The following FLI1 variants were observed in gnomAD, a reference collection of about 807,000 sequenced individuals.
FLI1 encodes Friend leukemia integration 1 transcription factor.
A neutral mutation model predicts 53.1 loss-of-function variants in FLI1; 13 were observed. The ratio of observed to expected loss-of-function variants is 0.24; its 90% CI spans 0.16 to 0.39. The LOEUF (loss-of-function observed/expected upper bound fraction) is 0.39. FLI1 is among the 10% of genes least tolerant of loss of function. The pLI, the probability that FLI1 is intolerant of heterozygous loss-of-function variation, is 1.00. For missense variants in FLI1, 424 were observed against 600.5 expected (o/e 0.71, Z 3.07); for synonymous variants, 244 against 236.7 (o/e 1.03, Z -0.28).
chr11:128,760,555 T>C (rs1941074761), intron 2 of FLI1, among the ~76,000 whole-genome samples: 1 of 126,998 alleles, frequency 7.9e-6, no homozygotes, highest in Admixed American at 9.2e-5. Flanking sequence ...TGAGATGGAG[T>C]CTCACTCTGT....
At chr11:128,797,183 G>C (rs1294379345) in intron 5 of FLI1, among the ~76,000 whole-genome samples, 1 of 152,216 alleles carries the variant, frequency 6.6e-6, no homozygotes, top group Non-Finnish European at 1.5e-5. Flanking sequence ...CAAGACCACA[G>C]ACTTGACAAT....
At chr11:128,805,631 G>A in intron 6 of FLI1, 200 bp downstream of exon 6, 1 of 540,366 alleles carries the variant, frequency 1.9e-6, no homozygotes, top group South Asian at 2.6e-5. Flanking sequence ...TTAGATTTTT[G>A]AGTTTTGTTT....
chr11:128,781,943 T>C lies in FLI1; in HGVS notation c.590-15T>C, dbSNP rs750920299. 3 of 1,609,804 alleles carry C rather than the reference T, an allele frequency of 1.9e-6. No individual in the cohort carries two copies. The highest frequency in any genetic ancestry group is 4.5e-5 in the East Asian group (2 of 44,854). ...GAACATTTTGGTTATAACCTGTTTATGTTTTGCCTCTCAGGTTCACTGCTG... is the reference window on the plus strand; with the variant it reads ...GAACATTTTGGTTATAACCTGTTTACGTTTTGCCTCTCAGGTTCACTGCTG... On this transcript the variant is annotated splice_polypyrimidine_tract_variant and intron_variant, in intron 4 of 8. Coordinates refer to ENST00000527786, the MANE Select transcript of FLI1 (RefSeq NM_002017.5).
intron 5 of FLI1, among the ~76,000 whole-genome samples, chr11:128,783,800 T>C (rs939842753): frequency 1.3e-5 from 2 of 152,168 alleles, no homozygotes; most frequent in Non-Finnish European, 2.9e-5. Context: ...AGCACTCACA[T>C]TGCGAGGGCT....
intron 1 of FLI1, among the ~76,000 whole-genome samples, chr11:128,711,653 A>G (rs967837706): frequency 6.6e-6 from 1 of 152,204 alleles, no homozygotes; most frequent in African/African-American, 2.4e-5. Flanking sequence ...AGGAATCCCT[A>G]TTATACATAA....
Position 128,688,388 on chromosome 11 carries a change from A to G in FLI1, c.-203+1687A>G, listed in dbSNP as rs919403735. ...GCAGCCACAAAGTTTGTATTGTTGCACAAAGGGGTGCATTGATGGCGGCGA... is the reference window on the plus strand; with the variant it reads ...GCAGCCACAAAGTTTGTATTGTTGCGCAAAGGGGTGCATTGATGGCGGCGA... On this transcript the variant is annotated intron_variant, in intron 1 of 6. Coordinates refer to the FLI1 transcript ENST00000344954. Among the ~76,000 whole-genome samples the G allele has an allele frequency of 1.2e-4, 18 of 152,248 alleles. 1 individual carries two copies. Among genetic ancestry groups the G allele is most frequent in the Admixed American group, 1.1e-3 (17 of 15,288 alleles).
intron 1 of FLI1, among the ~76,000 whole-genome samples, chr11:128,744,231 A>C (rs1246557574): frequency 6.6e-6 from 1 of 152,200 alleles, no homozygotes; most frequent in African/African-American, 2.4e-5. Flanking sequence ...CGGGATAAGC[A>C]TTTCCTGGAA....
intron 5 of FLI1, among the ~76,000 whole-genome samples, chr11:128,799,052 A>ATTATTTTTTTTT (rs1555125698): frequency 2.1e-5 from 3 of 140,444 alleles, no homozygotes; most frequent in African/African-American, 7.8e-5. Flanking sequence ...TATTATTATT[A>ATTATTTTTTTTT]TTTTGCTTTG....
intron 5 of FLI1, among the ~76,000 whole-genome samples, chr11:128,802,576 G>C (rs931465055): frequency 2.6e-5 from 4 of 152,240 alleles, no homozygotes; most frequent in African/African-American, 4.8e-5. Context: ...GGTGGCCTCT[G>C]TGTTTCTGTC....
chr11:128,695,293 A>C (rs1399567604), intron 1 of FLI1, among the ~76,000 whole-genome samples: 1 of 152,272 alleles, frequency 6.6e-6, no homozygotes, highest in Non-Finnish European at 1.5e-5. Flanking sequence ...GGCCAGGAGC[A>C]GAGAGGAGGG....
intron 1 of FLI1, among the ~76,000 whole-genome samples, chr11:128,743,500 A>G (rs1940230631): frequency 6.6e-6 from 1 of 152,050 alleles, no homozygotes; most frequent in Admixed American, 6.5e-5. Flanking sequence ...AGGAGCTCAG[A>G]AATTTTTGAG....
intron 5 of FLI1, among the ~76,000 whole-genome samples, chr11:128,786,367 TG>T (rs1468010855): frequency 3.9e-5 from 6 of 152,260 alleles, no homozygotes; most frequent in African/African-American, 1.4e-4. Context: ...ATTAGTTTTT[TG>T]TCATTGTCAT....
In FLI1 at chr11:128,810,995, A is replaced by T. The variant is rs1405254194; in HGVS notation, c.*7A>T. ...CTTAGGCAGCTACTACTAGAAGCTT[A>T]CTCATCAGTGGCCTTCTAGCTGAAG... On this transcript the variant is annotated 3_prime_UTR_variant, in exon 9 of 9. Coordinates refer to ENST00000527786, the MANE Select transcript of FLI1 (RefSeq NM_002017.5). The surrounding 1 kb of genome is among the most constrained non-coding windows in gnomAD (Gnocchi z 6.6). The T allele has an allele frequency of 6.2e-7, 1 of 1,613,790 alleles. No individual in the cohort carries two copies. Among genetic ancestry groups the T allele is most frequent in the South Asian group, 1.1e-5 (1 of 91,082 alleles).
chr11:128,790,197 A>G (rs1459901274), intron 5 of FLI1, among the ~76,000 whole-genome samples: 1 of 151,536 alleles, frequency 6.6e-6, no homozygotes, highest in East Asian at 1.9e-4. Context: ...TTTTCCTTTG[A>G]AATTCCTGAG....
chr11:128,765,610 G>T (rs978632062), intron 2 of FLI1, among the ~76,000 whole-genome samples: 2 of 152,234 alleles, frequency 1.3e-5, no homozygotes, highest in African/African-American at 4.8e-5. Flanking sequence ...CAAGGGAAGA[G>T]CGTGCAGTGT....
chr11:128,714,710 CTTT>C (rs11381734), intron 1 of FLI1, among the ~76,000 whole-genome samples: 4 of 121,642 alleles, frequency 3.3e-5, no homozygotes, highest in Admixed American at 9.0e-5. Context: ...CTTGAAGGAC[CTTT>C]TTTTTTTTTT....
At chr11:128,764,580 A>G in intron 2 of FLI1, 12 of 1,366,806 alleles carry the variant, frequency 8.8e-6, no homozygotes, top group Non-Finnish European at 1.2e-5. Flanking sequence ...GCAGCAGTGC[A>G]GGCAAGCTGA....
At chr11:128,701,062 C>T (rs1327860042) in intron 1 of FLI1, among the ~76,000 whole-genome samples, 2 of 152,188 alleles carry the variant, frequency 1.3e-5, no homozygotes, top group Non-Finnish European at 2.9e-5. Context: ...GAGCAGCAGT[C>T]AGGATTAGAC....
intron 1 of FLI1, among the ~76,000 whole-genome samples, chr11:128,714,651 G>A (rs777086913): frequency 7.0e-4 from 106 of 150,542 alleles, no homozygotes; most frequent in Middle Eastern, 3.5e-3. Flanking sequence ...TGATGATGAT[G>A]ATGATGGTTA....
Sources: gnomAD v4.1 joint callset for allele counts (sites outside exome capture counted in the v4.1 genomes callset) on GRCh38, gnomAD v4.1.1 for gene constraint, Gnocchi (gnomAD v3.1) non-coding constraint, MANE v1.5 for transcripts, NCBI Gene and HGNC (gene_info 2026-07-23, HGNC 2026-07-21) for gene names.